Variants in ROR1 observed in about 807,000 individuals in gnomAD.
The protein encoded by ROR1 is ROR family WNT receptor 1, also known as inactive tyrosine-protein kinase transmembrane receptor ROR1.
A neutral mutation model predicts 78.8 loss-of-function variants in ROR1; 19 were observed. The observed-to-expected ratio is 0.24, with a 90% CI of 0.17 to 0.35. The LOEUF is 0.35. ROR1 is among the 10% of genes least tolerant of loss of function. ROR1 has a pLI of 1.00. For missense variants in ROR1, 917 were observed against 1,177.8 expected, an observed-to-expected ratio of 0.78 and a Z score of 3.24; for synonymous variants, 386 against 433.6, an observed-to-expected ratio of 0.89 and a Z score of 1.36.
rs914914371 is a variant in ROR1 at position 63,967,579 on chromosome 1, G to C, written c.92-41726G>C. ...TATCCCTACCACCATCATCAACCCT[G>C]TTGGGTTCACCTCTATTTCCAGCAT... On this transcript the variant is annotated intron_variant, in intron 1 of 8. Transcript: ENST00000371079. Among the ~76,000 whole-genome samples the C allele has an allele frequency of 1.2e-4, 18 of 152,234 alleles. 1 individual carries two copies. The highest frequency in any genetic ancestry group is 4.3e-4 in the African/African-American group (18 of 41,550).
chr1:64,099,020 GC>G (rs1273424034), intron 4 of ROR1, among the ~76,000 whole-genome samples: 1 of 152,090 alleles, frequency 6.6e-6, no homozygotes, highest in African/African-American at 2.4e-5. Context: ...TTACTGGCGG[GC>G]CCCAGTGCTG....
intron 4 of ROR1, among the ~76,000 whole-genome samples, chr1:64,116,129 T>G (rs1195359346): frequency 3.9e-5 from 6 of 152,194 alleles, no homozygotes; most frequent in Non-Finnish European, 1.5e-5. Context: ...TCTTGGTCAC[T>G]AATGAGATGA....
At chr1:63,846,943 A>G (rs1645085270) in intron 1 of ROR1, among the ~76,000 whole-genome samples, 1 of 152,194 alleles carries the variant, frequency 6.6e-6, no homozygotes. Flanking sequence ...GGGGATCTGT[A>G]GGATTTGGCT....
At chr1:64,101,684 T>A (rs2762854) in intron 4 of ROR1, among the ~76,000 whole-genome samples, 59,588 of 151,666 alleles carry the variant, frequency 0.39, 13,009 homozygotes, top group Non-Finnish European at 0.51. Flanking sequence ...TCACAATGAG[T>A]AGAAAGAGAG....
intron 4 of ROR1, chr1:64,113,894 C>T (rs1369200411): frequency 6.6e-6 from 1 of 152,044 alleles, no homozygotes; most frequent in Admixed American, 6.6e-5. Flanking sequence ...GGAGGCCCAA[C>T]TTTAACATTT....
intron 1 of ROR1, among the ~76,000 whole-genome samples, chr1:63,824,243 C>T (rs1214979461): frequency 6.6e-6 from 1 of 152,128 alleles, no homozygotes; most frequent in Non-Finnish European, 1.5e-5. Flanking sequence ...GTAAAGATTT[C>T]AGGCTTTGCA....
chr1:63,969,275 C>A (rs752516490), intron 1 of ROR1, among the ~76,000 whole-genome samples: 6 of 152,136 alleles, frequency 3.9e-5, no homozygotes, highest in Admixed American at 2.0e-4. Flanking sequence ...TATTTCACTT[C>A]GTTGCAACTC....
rs757385629 is a variant in ROR1 at position 63,774,384 on chromosome 1, A to AGCC, written c.-18_-16dup. Reference sequence around the variant, plus strand: ...GTGGATGTTCTGCGCGCGGCCTGGGAGCCGCCGCCGCCGCCGCCTCAGCGA... The same window carrying AGCC: ...GTGGATGTTCTGCGCGCGGCCTGGGAGCCGCCGCCGCCGCCGCCGCCTCAGCGA... On this transcript the variant is annotated 5_prime_UTR_variant, in exon 1 of 9. Coordinates refer to ENST00000371079, the MANE Select transcript of ROR1 (RefSeq NM_005012.4). This position sits in a 1 kb window ranked among gnomAD's most constrained non-coding sequence, Gnocchi z 5.7. 4.9e-5 allele frequency: 61 copies of AGCC among 1,243,492 alleles called. No homozygotes were observed. The highest frequency in any genetic ancestry group is 2.9e-4 in the African/African-American group (18 of 62,506). 77.0% of individuals were successfully genotyped at this position (1,243,492 alleles called of 1,614,324 possible). A position where few individuals can be genotyped will look rare whatever the true frequency, so the allele number is the denominator to read the frequency against.
chr1:63,962,003 A>T (rs955771078), intron 1 of ROR1, among the ~76,000 whole-genome samples: 10 of 152,144 alleles, frequency 6.6e-5, no homozygotes, highest in Admixed American at 3.3e-4. Context: ...AAAAAATAAA[A>T]TTACCCAGCA....
chr1:63,834,450 C>T (rs1163500693), intron 1 of ROR1, among the ~76,000 whole-genome samples: 3 of 152,134 alleles, frequency 2.0e-5, no homozygotes, highest in African/African-American at 4.8e-5. Context: ...AATTAGTTTT[C>T]CCTGTAGTCA....
At chr1:63,786,421 C>T (rs532253311) in intron 1 of ROR1, among the ~76,000 whole-genome samples, 3 of 151,500 alleles carry the variant, frequency 2.0e-5, no homozygotes, top group South Asian at 4.2e-4. Context: ...TACAGGCACC[C>T]GCCACCACGG....
intron 1 of ROR1, among the ~76,000 whole-genome samples, chr1:63,979,975 T>G (rs1646196119): frequency 6.6e-6 from 1 of 152,064 alleles, no homozygotes; most frequent in Admixed American, 6.6e-5. Flanking sequence ...GTGGAATAGC[T>G]GCATGTGGTA....
At chr1:63,782,908 A>G (rs1175507826) in intron 1 of ROR1, among the ~76,000 whole-genome samples, 2 of 152,162 alleles carry the variant, frequency 1.3e-5, no homozygotes, top group Non-Finnish European at 2.9e-5. Flanking sequence ...AATCCCTAGA[A>G]GGGTGGGTCT....
At position 64,178,596 on chromosome 1, in the gene ROR1, A is replaced by G. The variant is rs1650458943; in HGVS notation, c.2555A>G (p.Lys852Arg). 4.3e-6 allele frequency: 7 copies of G among 1,614,124 alleles called. No individual in the cohort carries two copies. The highest frequency in any genetic ancestry group is 4.2e-6 in the Non-Finnish European group (5 of 1,180,010). Residue 852 changes from lysine (K) to arginine (R), a missense_variant, in exon 9 of 9, where the codon AAG (lysine) becomes AGG (arginine). By Grantham distance (26) the Lys-to-Arg change is conservative. Around this residue, in one of 3 missense-constraint regions of ROR1, gnomAD observed 835 missense variants for 1,069.8 expected, o/e 0.78. Transcript: ENST00000371079. The surrounding 1 kb of genome is among the most constrained non-coding windows in gnomAD (Gnocchi z 4.3). ...PRVIQHCPPP[K>R]SRSPSSASGS... ...GTGATTCAGCACTGCCCACCTCCCAAGAGTCGGTCCCCAAGCAGTGCCAGT... is the reference window on the plus strand; with the variant it reads ...GTGATTCAGCACTGCCCACCTCCCAGGAGTCGGTCCCCAAGCAGTGCCAGT...
chr1:63,782,549 TTTTTTTTG>T (rs1321880975), intron 1 of ROR1, among the ~76,000 whole-genome samples: 2 of 131,040 alleles, frequency 1.5e-5, no homozygotes, highest in African/African-American at 7.5e-5. Flanking sequence ...TTGAGGTTTT[TTTTTTTTG>T]TTTTTTTTTT....
chr1:63,965,230 A>G (rs1646063919), intron 1 of ROR1, among the ~76,000 whole-genome samples: 3 of 152,260 alleles, frequency 2.0e-5, no homozygotes, highest in South Asian at 4.2e-4. Flanking sequence ...CCAGCTCTAT[A>G]TGACTCCAAA....
chr1:64,129,401 A>C (rs1648834040), intron 4 of ROR1, among the ~76,000 whole-genome samples: 1 of 152,206 alleles, frequency 6.6e-6, no homozygotes, highest in South Asian at 2.1e-4. Flanking sequence ...TGTGAATTTC[A>C]TATTATTCTA....
Position 64,178,293 on chromosome 1 carries a change from G to T in ROR1, c.2252G>T (p.Gly751Val), listed in dbSNP as rs1650446519. 8 of 1,614,076 alleles carry T rather than the reference G, an allele frequency of 5.0e-6. No individual in the cohort carries two copies. The highest frequency in any genetic ancestry group is 6.8e-6 in the Non-Finnish European group (8 of 1,180,010). ...DIHVRLRSWE[G>V]LSSHTSSTTP... ...CACGTCCGGCTTCGGTCCTGGGAGG[G>T]ACTCTCAAGTCACACAAGCTCTACT... The change falls in exon 9 of 9, where the codon GGA (glycine) becomes GTA (valine). Residue 751 changes from glycine (G) to valine (V), a missense_variant. Transcript: ENST00000371079. This position sits in a 1 kb window ranked among gnomAD's most constrained non-coding sequence, Gnocchi z 4.3.
rs111480583 is a variant in ROR1, at chr1:64,067,227, G to A, written c.482+16511G>A. On this transcript the variant is annotated intron_variant, in intron 4 of 8. Transcript: ENST00000371079. ...TAGCCTGGCATGGTGGCACATGCCC[G>A]TAGTCCCAGCTATTTGGGAGGCTGA... Among the ~76,000 whole-genome samples the A allele has an allele frequency of 5.6e-3, 850 of 151,898 alleles. 13 individuals carry two copies. Among genetic ancestry groups the A allele is most frequent in the African/African-American group, 0.019 (806 of 41,396 alleles).
Sources: gnomAD v4.1 joint callset for allele counts (sites outside exome capture counted in the v4.1 genomes callset) on GRCh38, gnomAD v4.1.1 for gene constraint, gnomAD v4.1.1 regional missense constraint, Gnocchi (gnomAD v3.1) non-coding constraint, MANE v1.5 for transcripts, NCBI Gene and HGNC (gene_info 2026-07-23, HGNC 2026-07-21) for gene names.